CPVL: variants seen among roughly 807,000 people sequenced by gnomAD.
CPVL encodes the protein carboxypeptidase vitellogenic like, also known as probable serine carboxypeptidase CPVL.
CPVL carries 51 observed loss-of-function variants against 63.7 expected under a neutral mutation model. That is an observed-to-expected ratio of 0.80 (90% CI 0.64 to 1.01). The LOEUF (loss-of-function observed/expected upper bound fraction) is 1.01, where lower values mean the gene tolerates loss of function less well. Ranked by LOEUF, CPVL falls within the 50% of genes least tolerant of loss-of-function variation. The pLI, the probability that CPVL is intolerant of heterozygous loss-of-function variation, is 0.00. For missense variants in CPVL, 530 were observed against 573.1 expected, an observed-to-expected ratio of 0.92 and a Z score of 0.77; for synonymous variants, 195 against 206.0, an observed-to-expected ratio of 0.95 and a Z score of 0.46.
intron 11 of CPVL, among the ~76,000 whole-genome samples, chr7:29,035,312 C>T (rs1788416496): frequency 6.6e-6 from 1 of 152,180 alleles, no homozygotes; most frequent in African/African-American, 2.4e-5. Flanking sequence ...CCGACTTCCA[C>T]CCTTCTACCT....
intron 5 of CPVL, among the ~76,000 whole-genome samples, chr7:29,159,312 A>G (rs1055157992): frequency 5.3e-5 from 8 of 152,234 alleles, no homozygotes; most frequent in Non-Finnish European, 8.8e-5. Flanking sequence ...GGTTAGAAGC[A>G]GAATAAGGGT....
At chr7:29,175,049 C>T in intron 5 of CPVL, among the ~76,000 whole-genome samples, 1 of 152,128 alleles carries the variant, frequency 6.6e-6, no homozygotes, top group East Asian at 1.9e-4. Flanking sequence ...TGAATTGTAG[C>T]TCCCATAATT....
At chr7:29,096,804 T>C (rs1473346795) in intron 3 of CPVL, among the ~76,000 whole-genome samples, 1 of 151,766 alleles carries the variant, frequency 6.6e-6, no homozygotes, top group Non-Finnish European at 1.5e-5. Flanking sequence ...GCCAACATAG[T>C]GAAACCCTGT....
At chr7:29,108,053 GCCCAGCCTGCAGGA>G (rs1452343652) in intron 3 of CPVL, among the ~76,000 whole-genome samples, 1 of 152,182 alleles carries the variant, frequency 6.6e-6, no homozygotes, top group East Asian at 1.9e-4. Flanking sequence ...ATTCAGCAGG[GCCCAGCCTGCAGGA>G]TCCTGAGAGG....
chr7:29,017,177 C>T (rs561122021), intron 12 of CPVL, among the ~76,000 whole-genome samples: 11 of 152,282 alleles, frequency 7.2e-5, no homozygotes, highest in African/African-American at 2.4e-4. Context: ...CTGTGCCCTG[C>T]CCCATATTCT....
At chr7:29,015,420 C>T (rs563790566) in intron 12 of CPVL, among the ~76,000 whole-genome samples, 13 of 152,198 alleles carry the variant, frequency 8.5e-5, no homozygotes, top group African/African-American at 2.9e-4. Flanking sequence ...ATGGTGCTTT[C>T]CCCACCATGT....
At chr7:29,092,093 G>A (rs893064046) in intron 6 of CPVL, among the ~76,000 whole-genome samples, 1 of 151,392 alleles carries the variant, frequency 6.6e-6, no homozygotes, top group African/African-American at 2.4e-5. Context: ...TTTTAAAAAT[G>A]CTAAAAATAG....
intron 7 of CPVL, among the ~76,000 whole-genome samples, chr7:29,077,217 C>A (rs1053585132): frequency 2.0e-5 from 3 of 152,100 alleles, no homozygotes; most frequent in Admixed American, 1.3e-4. Flanking sequence ...GAAACAATGT[C>A]CTCTTACAGA....
At chr7:29,140,008 G>A (rs564928661) in intron 1 of CPVL, among the ~76,000 whole-genome samples, 1 of 152,258 alleles carries the variant, frequency 6.6e-6, no homozygotes, top group East Asian at 1.9e-4. Context: ...ACTCAGAATG[G>A]CTTCATCTTT....
chr7:29,014,474 G>A (rs1461960062), intron 12 of CPVL, among the ~76,000 whole-genome samples: 2 of 151,958 alleles, frequency 1.3e-5, no homozygotes, highest in African/African-American at 4.8e-5. Context: ...TGGGACTACA[G>A]GCCTGCACCA....
intron 7 of CPVL, among the ~76,000 whole-genome samples, chr7:29,076,179 C>T (rs1224541363): frequency 3.9e-5 from 6 of 152,092 alleles, no homozygotes; most frequent in African/African-American, 1.2e-4. Flanking sequence ...TAGAAATCAA[C>T]TAAATGGTCC....
At chr7:29,130,957 T>A (rs1352751106) in intron 1 of CPVL, among the ~76,000 whole-genome samples, 2 of 152,216 alleles carry the variant, frequency 1.3e-5, no homozygotes, top group African/African-American at 4.8e-5. Flanking sequence ...TTGGGGTAAG[T>A]GAAGCTCTCT....
At chr7:29,064,015 G>A in intron 11 of CPVL, 46 bp downstream of exon 11, 1 of 1,371,074 alleles carries the variant, frequency 7.3e-7, no homozygotes, top group Non-Finnish European at 1.0e-6. Flanking sequence ...TTCTGCTCTG[G>A]GTAATCTGAA....
chr7:29,133,481 A>G (rs915206978), intron 1 of CPVL, among the ~76,000 whole-genome samples: 3 of 152,176 alleles, frequency 2.0e-5, no homozygotes, highest in Non-Finnish European at 2.9e-5. Flanking sequence ...TGGTCTCATC[A>G]CTTTAACCAG....
intron 5 of CPVL, among the ~76,000 whole-genome samples, chr7:29,173,439 C>T (rs531676448): frequency 2.6e-5 from 4 of 152,028 alleles, no homozygotes; most frequent in South Asian, 2.1e-4. Context: ...TAGAAAGCTA[C>T]GAGAGAATGT....
At chr7:29,080,710 C>T (rs1784627816) in intron 7 of CPVL, among the ~76,000 whole-genome samples, 1 of 152,096 alleles carries the variant, frequency 6.6e-6, no homozygotes, top group Admixed American at 6.5e-5. Flanking sequence ...ATGGCTCTCG[C>T]ATACTGGGAG....
At chr7:29,007,880 CA>C (rs1307670052) in intron 12 of CPVL, among the ~76,000 whole-genome samples, 3 of 152,082 alleles carry the variant, frequency 2.0e-5, no homozygotes, top group Non-Finnish European at 4.4e-5. Context: ...GGGTATGCTA[CA>C]AAAATAAATG....
At chr7:29,033,972 T>A (rs11971357) in intron 11 of CPVL, among the ~76,000 whole-genome samples, 10,743 of 152,322 alleles carry the variant, frequency 0.071, 433 homozygotes, top group Middle Eastern at 0.12. Context: ...TTATCACATA[T>A]TTAAAAATGC....
At chr7:29,046,567 GCA>G (rs10546847) in intron 11 of CPVL, among the ~76,000 whole-genome samples, 88,671 of 149,574 alleles carry the variant, frequency 0.59, 26,636 homozygotes, top group Non-Finnish European at 0.67. Flanking sequence ...GTGCGCGCGT[GCA>G]CACACACACA....
Sources: gnomAD v4.1 joint callset for allele counts (sites outside exome capture counted in the v4.1 genomes callset) on GRCh38, gnomAD v4.1.1 for gene constraint, MANE v1.5 for transcripts, NCBI Gene and HGNC (gene_info 2026-07-23, HGNC 2026-07-21) for gene names.